FMN1: variants seen among roughly 807,000 people sequenced by gnomAD.
The protein encoded by FMN1 is formin 1.
FMN1 carries 110 observed loss-of-function variants against 132.4 expected under a neutral mutation model. The observed-to-expected ratio is 0.83, with a 90% CI of 0.71 to 0.97. FMN1 has a LOEUF of 0.97. Ranked by LOEUF, FMN1 falls within the 50% of genes least tolerant of loss-of-function variation. The pLI is 0.00. For synonymous variants in FMN1, 722 were observed against 651.7 expected (o/e 1.11, Z -1.64); for missense variants, 1,792 against 1,705.3 (o/e 1.05, Z -0.90).
chr15:32,940,256 A>T (rs1021513799), intron 9 of FMN1, among the ~76,000 whole-genome samples: 17 of 152,210 alleles, frequency 1.1e-4, no homozygotes, highest in African/African-American at 3.9e-4. Flanking sequence ...GAGAAAAGTC[A>T]GGAGACCAGC....
chr15:33,158,896 T>C (rs908851795), intron 3 of FMN1, among the ~76,000 whole-genome samples: 5 of 152,122 alleles, frequency 3.3e-5, no homozygotes, highest in Admixed American at 6.5e-5. Context: ...TTTTAAAAGA[T>C]AGATTTCAGG....
chr15:32,844,302 T>C (rs1596066271), intron 17 of FMN1, among the ~76,000 whole-genome samples: 4 of 152,194 alleles, frequency 2.6e-5, no homozygotes, highest in Admixed American at 2.6e-4. Flanking sequence ...CCAAGGATCA[T>C]GTGTTTGCAG....
intron 3 of FMN1, among the ~76,000 whole-genome samples, chr15:33,163,174 G>A (rs766422962): frequency 1.3e-5 from 2 of 152,192 alleles, no homozygotes; most frequent in Non-Finnish European, 2.9e-5. Context: ...CTTTAGTAGA[G>A]TGAGAGAACA....
At chr15:33,066,146 T>C (rs1038567427) in intron 5 of FMN1, among the ~76,000 whole-genome samples, 1 of 152,184 alleles carries the variant, frequency 6.6e-6, no homozygotes, top group African/African-American at 2.4e-5. Context: ...TGCGGAGGTA[T>C]AATTAAGGGG....
rs750115043 is a variant in FMN1 at position 32,900,119 on chromosome 15, G to A, written c.3514C>T (p.Leu1172=). The change falls in exon 14 of 21, where the codon CTG becomes TTG. Residue 1172 remains leucine, a synonymous_variant. Coordinates refer to ENST00000616417, the MANE Select transcript of FMN1 (RefSeq NM_001277313.2). Reference sequence around the variant, plus strand: ...ATATCCTTCACGCTCTTCACGTGCAGCAAGTCCTGTGATGGCAAACACCAG... The same window carrying A: ...ATATCCTTCACGCTCTTCACGTGCAACAAGTCCTGTGATGGCAAACACCAG... The part of the protein sequence containing the change: ...EIITRASKDL[L]HVKSVKDILA... The A allele has an allele frequency of 6.2e-7, 1 of 1,613,698 alleles. No homozygotes were observed. The highest frequency in any genetic ancestry group is 8.5e-7 in the Non-Finnish European group (1 of 1,179,850).
intron 5 of FMN1, among the ~76,000 whole-genome samples, chr15:33,074,709 T>C (rs1482937870): frequency 6.6e-6 from 1 of 152,014 alleles, no homozygotes; most frequent in Non-Finnish European, 1.5e-5. Context: ...ACACGGGCAG[T>C]GTGCATAGTT....
chr15:33,112,244 G>A (rs763207601), intron 4 of FMN1, among the ~76,000 whole-genome samples: 2 of 152,038 alleles, frequency 1.3e-5, no homozygotes, highest in Non-Finnish European at 2.9e-5. Context: ...TAAAGAGATG[G>A]TATATAAACA....
intron 17 of FMN1, among the ~76,000 whole-genome samples, chr15:32,822,669 G>A (rs2058249879): frequency 6.6e-6 from 1 of 152,130 alleles, no homozygotes; most frequent in Non-Finnish European, 1.5e-5. Flanking sequence ...CTTTCAATAA[G>A]AGATGCAATG....
chr15:32,783,602 A>G (rs1181874303), intron 19 of FMN1, among the ~76,000 whole-genome samples: 1 of 151,818 alleles, frequency 6.6e-6, no homozygotes, highest in African/African-American at 2.4e-5. Context: ...AATTAGCCAG[A>G]TGTGGTGGTG....
chr15:32,858,516 C>T (rs940457055), intron 16 of FMN1, among the ~76,000 whole-genome samples: 16 of 152,180 alleles, frequency 1.1e-4, no homozygotes, highest in Admixed American at 1.0e-3. Flanking sequence ...GATGCTAGGT[C>T]ACAGGACAGG....
intron 17 of FMN1, among the ~76,000 whole-genome samples, chr15:32,839,848 T>G (rs1187283717): frequency 6.6e-6 from 1 of 151,390 alleles, no homozygotes; most frequent in African/African-American, 2.4e-5. Flanking sequence ...GGAACAACAA[T>G]GTAAAAAATC....
At chr15:33,181,020 G>A (rs546254773) in intron 2 of FMN1, among the ~76,000 whole-genome samples, 1 of 152,206 alleles carries the variant, frequency 6.6e-6, no homozygotes, top group Admixed American at 6.5e-5. Context: ...CAAAGTGCTG[G>A]GATTACAGGC....
At chr15:33,159,743 T>C (rs1964813841) in intron 3 of FMN1, among the ~76,000 whole-genome samples, 1 of 152,212 alleles carries the variant, frequency 6.6e-6, no homozygotes, top group South Asian at 2.1e-4. Context: ...CAAATGTGCC[T>C]GAAACATGGC....
In FMN1 at chr15:32,905,056, A is replaced by C. The variant is rs569243113; in HGVS notation, c.3378-3016T>G. ...GTAAGAAAGAAGACTAAATATTCCC[A>C]AAAGAAGCCACAAATGAGGGATCCT... On this transcript the variant is annotated intron_variant, in intron 12 of 20. Coordinates refer to ENST00000616417, the MANE Select transcript of FMN1 (RefSeq NM_001277313.2). Among the ~76,000 whole-genome samples the C allele has an allele frequency of 3.3e-4, 50 of 152,348 alleles. No homozygotes were observed. The South Asian group carries it at 1.0e-2, about 30-fold the overall frequency.
At position 32,783,617 on chromosome 15, in the gene FMN1, C is replaced by G. The variant is rs532746381; in HGVS notation, c.4131-6698G>C. 9.9e-4 allele frequency among the ~76,000 whole-genome samples: 151 copies of G among 151,982 alleles called. 4 individuals carry two copies. The South Asian group carries it at 0.03, about 30-fold the overall frequency. The stretch of plus-strand genomic sequence containing the variant: ...AATTAGCCAGATGTGGTGGTGGGCG[C>G]CTGTAGTCCCAGCTACTCAGGAGGC... On this transcript the variant is annotated intron_variant, in intron 19 of 20. Transcript: ENST00000616417.
chr15:33,106,684 A>G (rs966090759), intron 4 of FMN1, among the ~76,000 whole-genome samples: 1 of 152,044 alleles, frequency 6.6e-6, no homozygotes, highest in African/African-American at 2.4e-5. Context: ...TTTGGGCCAG[A>G]TAACTGTTTT....
At chr15:33,010,975 G>T (rs905215133) in intron 6 of FMN1, among the ~76,000 whole-genome samples, 1 of 146,326 alleles carries the variant, frequency 6.8e-6, no homozygotes. Flanking sequence ...ATATTGTAAA[G>T]GTGTGAGTCT....
chr15:32,891,310 C>T (rs922925450), intron 15 of FMN1, among the ~76,000 whole-genome samples: 4 of 152,094 alleles, frequency 2.6e-5, no homozygotes, highest in East Asian at 1.9e-4. Flanking sequence ...TGCAGTGATG[C>T]GATGTTGGCT....
At chr15:32,939,252 C>T (rs1045498900) in intron 9 of FMN1, among the ~76,000 whole-genome samples, 3 of 152,160 alleles carry the variant, frequency 2.0e-5, no homozygotes, top group East Asian at 1.9e-4. Context: ...CACAGCTAAC[C>T]GAATTTTTAC....
Sources: allele counts gnomAD v4.1 joint callset (sites outside exome capture counted in the v4.1 genomes callset), GRCh38; gene constraint gnomAD v4.1.1; transcripts MANE v1.5; gene names NCBI Gene and HGNC (gene_info 2026-07-23, HGNC 2026-07-21).